MTUS2: variants seen among roughly 807,000 people sequenced by gnomAD.
MTUS2 encodes microtubule-associated tumor suppressor candidate 2.
MTUS2 carries 40 observed loss-of-function variants against 114.1 expected under a neutral mutation model. The ratio of observed to expected loss-of-function variants is 0.35; its 90% CI spans 0.27 to 0.46. The LOEUF (loss-of-function observed/expected upper bound fraction) is 0.46. Among genes scored for constraint, MTUS2 ranks in the 20% least tolerant of loss-of-function variants. The pLI, the probability that MTUS2 is intolerant of heterozygous loss-of-function variation, is 1.00. For synonymous variants in MTUS2, 688 were observed against 672.0 expected, an observed-to-expected ratio of 1.02 and a Z score of -0.37; for missense variants, 1,679 against 1,705.4, an observed-to-expected ratio of 0.98 and a Z score of 0.27.
intron 4 of MTUS2, among the ~76,000 whole-genome samples, chr13:29,038,745 C>T (rs1048364199): frequency 1.8e-4 from 28 of 152,346 alleles, no homozygotes; most frequent in South Asian, 2.1e-4. Context: ...CCTGCCCAGA[C>T]GGGAGGAATC....
chr13:29,005,570 G>A (rs74045514), intron 2 of MTUS2, among the ~76,000 whole-genome samples: 2,686 of 152,250 alleles, frequency 0.018, 78 homozygotes, highest in African/African-American at 0.06. Flanking sequence ...ATAACCAATG[G>A]CAGTAAGCAT....
chr13:29,497,433 C>A (rs1882625204), intron 13 of MTUS2, 97 bp downstream of exon 13: 1 of 1,036,448 alleles, frequency 9.6e-7, no homozygotes, highest in Non-Finnish European at 1.5e-6. Context: ...CAAGGCCTCT[C>A]TGTGAATCCG....
intron 5 of MTUS2, among the ~76,000 whole-genome samples, chr13:29,192,988 C>G (rs1302825539): frequency 6.6e-6 from 1 of 152,046 alleles, no homozygotes; most frequent in African/African-American, 2.4e-5. Context: ...GGGGAGGACT[C>G]CAAACAATGC....
At chr13:29,481,291 C>G (rs997479646) in intron 10 of MTUS2, among the ~76,000 whole-genome samples, 1 of 152,184 alleles carries the variant, frequency 6.6e-6, no homozygotes, top group Non-Finnish European at 1.5e-5. Context: ...GCTGCCACCC[C>G]CACGGCAGCT....
intron 2 of MTUS2, among the ~76,000 whole-genome samples, chr13:28,903,326 A>G (rs913758142): frequency 6.6e-6 from 1 of 151,550 alleles, no homozygotes; most frequent in Non-Finnish European, 1.5e-5. Context: ...GGTTTGTTAC[A>G]TATGTATACA....
chr13:29,135,829 A>G lies in MTUS2; in HGVS notation c.2644+34859A>G, dbSNP rs529208851. On this transcript the variant is annotated intron_variant, in intron 5 of 15. Transcript: ENST00000612955. ...CTGCTCCTTTAACAGCTTTGTTTCT[A>G]CCACTTTCTGTTGTTGATGTTACAA... Among the ~76,000 whole-genome samples, 4 of 152,270 alleles carry G rather than the reference A, an allele frequency of 2.6e-5. No homozygotes were observed. The East Asian group carries it at 5.8e-4, about 22-fold the overall frequency.
intron 2 of MTUS2, among the ~76,000 whole-genome samples, chr13:28,872,742 G>A (rs576394335): frequency 1.1e-4 from 16 of 152,206 alleles, no homozygotes; most frequent in African/African-American, 3.9e-4. Context: ...ATTCATGAGG[G>A]ATTTGCCTAA....
intron 4 of MTUS2, among the ~76,000 whole-genome samples, chr13:29,040,559 A>G (rs1887304037): frequency 6.6e-6 from 1 of 152,142 alleles, no homozygotes; most frequent in Admixed American, 6.6e-5. Context: ...AGTGATTTGT[A>G]CTAGTTTACA....
intron 8 of MTUS2, among the ~76,000 whole-genome samples, chr13:29,436,918 C>A (rs2138667274): frequency 6.6e-6 from 1 of 151,880 alleles, no homozygotes; most frequent in African/African-American, 2.4e-5. Flanking sequence ...CACAAAACAT[C>A]AGCATTAGGT....
chr13:28,906,325 T>C (rs1199046264), intron 2 of MTUS2, among the ~76,000 whole-genome samples: 1 of 151,236 alleles, frequency 6.6e-6, no homozygotes, highest in Non-Finnish European at 1.5e-5. Context: ...CTTGCTTTTC[T>C]AGTTCTTTTA....
intron 2 of MTUS2, among the ~76,000 whole-genome samples, chr13:28,998,477 G>T (rs1326851096): frequency 8.5e-5 from 13 of 152,202 alleles, no homozygotes; most frequent in Admixed American, 8.5e-4. Flanking sequence ...ATAATGTCGT[G>T]CAGAGTGTTT....
intron 2 of MTUS2, among the ~76,000 whole-genome samples, chr13:29,004,941 G>T (rs1400613284): frequency 7.2e-5 from 11 of 152,192 alleles, no homozygotes; most frequent in Non-Finnish European, 1.5e-4. Context: ...GAGGAGTGCA[G>T]TTGTCGAGTG....
chr13:28,972,690 A>T lies in MTUS2; in HGVS notation c.-242-51767A>T, dbSNP rs1025973799. Among the ~76,000 whole-genome samples the T allele has an allele frequency of 2.0e-5, 3 of 152,290 alleles. No individual in the cohort carries two copies. The East Asian group carries it at 5.8e-4, about 29-fold the overall frequency. The stretch of plus-strand genomic sequence containing the variant: ...TGAGAATGGCTTTCCCGTTCTTCAA[A>T]GCTCAGTTCCTGTCTTATGGGAGAA... On this transcript the variant is annotated intron_variant, in intron 2 of 15. Coordinates refer to ENST00000612955, the MANE Select transcript of MTUS2 (RefSeq NM_001033602.4).
chr13:28,923,783 G>A (rs778164765), intron 2 of MTUS2, among the ~76,000 whole-genome samples: 11 of 152,284 alleles, frequency 7.2e-5, no homozygotes, highest in Middle Eastern at 3.4e-3. Context: ...CACCTTGCCT[G>A]TGGGGTCCTA....
intron 9 of MTUS2, among the ~76,000 whole-genome samples, chr13:29,476,061 T>C (rs1308716178): frequency 2.0e-5 from 3 of 152,222 alleles, no homozygotes; most frequent in African/African-American, 2.4e-5. Context: ...GTATTTTAAC[T>C]GTACCTTGTT....
intron 15 of MTUS2, among the ~76,000 whole-genome samples, chr13:29,501,762 C>T (rs571102106): frequency 5.3e-5 from 8 of 152,352 alleles, no homozygotes; most frequent in Admixed American, 2.0e-4. Flanking sequence ...CTCAGCTAGG[C>T]TCCTCAATGC....
intron 5 of MTUS2, among the ~76,000 whole-genome samples, chr13:29,213,509 T>C (rs1275256870): frequency 2.0e-5 from 3 of 152,242 alleles, no homozygotes; most frequent in Non-Finnish European, 4.4e-5. Context: ...CTCCATATAT[T>C]CTGAAGCTCT....
chr13:29,007,622 T>C (rs1885656718), intron 2 of MTUS2, among the ~76,000 whole-genome samples: 1 of 152,198 alleles, frequency 6.6e-6, no homozygotes, highest in South Asian at 2.1e-4. Flanking sequence ...ACCCCTCCTC[T>C]TTCTCCTCCT....
At chr13:29,476,217 T>C (rs1395484453) in intron 9 of MTUS2, among the ~76,000 whole-genome samples, 1 of 152,220 alleles carries the variant, frequency 6.6e-6, no homozygotes, top group African/African-American at 2.4e-5. Context: ...AGGCTATGCC[T>C]ACACTCCATG....
Sources: allele counts gnomAD v4.1 joint callset (sites outside exome capture counted in the v4.1 genomes callset), GRCh38; gene constraint gnomAD v4.1.1; transcripts MANE v1.5; gene names NCBI Gene and HGNC (gene_info 2026-07-23, HGNC 2026-07-21).